Variants in ZNF385D observed in about 807,000 individuals in gnomAD.
ZNF385D encodes the protein zinc finger protein 385D.
Under a neutral mutation model 35.8 loss-of-function variants are expected in ZNF385D, and 15 were observed. That is an observed-to-expected ratio of 0.42 (90% confidence interval 0.28 to 0.64). The LOEUF is 0.64. Ranked by LOEUF, ZNF385D falls within the 30% of genes least tolerant of loss-of-function variation. The probability of loss-of-function intolerance (pLI) is 0.23; values close to 1 mark genes in which losing one functional copy is unlikely to be tolerated. For synonymous variants in ZNF385D, 212 were observed against 186.8 expected (o/e 1.13, Z -1.10); for missense variants, 474 against 494.6 (o/e 0.96, Z 0.39).
intron 1 of ZNF385D, among the ~76,000 whole-genome samples, chr3:21,713,341 AATG>A (rs2068188955): frequency 6.6e-6 from 1 of 152,300 alleles, no homozygotes; most frequent in Admixed American, 6.5e-5. Context: ...AATCTTCTTC[AATG>A]ATGTTTCTTT....
chr3:21,489,634 T>C (rs1705273021), intron 4 of ZNF385D, among the ~76,000 whole-genome samples: 1 of 152,144 alleles, frequency 6.6e-6, no homozygotes, highest in South Asian at 2.1e-4. Flanking sequence ...AGATTTTGGC[T>C]TTTGTGACAC....
chr3:22,104,818 T>A (rs1311008496), intron 3 of ZNF385D, among the ~76,000 whole-genome samples: 2 of 152,154 alleles, frequency 1.3e-5, no homozygotes, highest in African/African-American at 4.8e-5. Flanking sequence ...AAGTCCATTG[T>A]CTGAAATCAA....
At chr3:21,763,015 G>A (rs2070686938) in intron 3 of ZNF385D, among the ~76,000 whole-genome samples, 2 of 152,066 alleles carry the variant, frequency 1.3e-5, no homozygotes, top group East Asian at 1.9e-4. Flanking sequence ...TCATTGAGTA[G>A]GTACTCAACA....
intron 3 of ZNF385D, among the ~76,000 whole-genome samples, chr3:22,128,037 A>G (rs1331557217): frequency 1.3e-5 from 2 of 151,196 alleles, no homozygotes; most frequent in Admixed American, 1.3e-4. Context: ...AGATTGAAAA[A>G]CTCTCTTTAG....
intron 3 of ZNF385D, among the ~76,000 whole-genome samples, chr3:22,044,926 C>G (rs565612115): frequency 1.3e-5 from 2 of 152,078 alleles, no homozygotes; most frequent in Admixed American, 1.3e-4. Flanking sequence ...AAGTATGGTG[C>G]AGAATACGGA....
intron 3 of ZNF385D, among the ~76,000 whole-genome samples, chr3:22,030,255 T>TTATATATATATA (rs1559316329): frequency 3.2e-4 from 9 of 27,922 alleles, no homozygotes; most frequent in African/African-American, 1.2e-3. Flanking sequence ...ATAAACTCAT[T>TTATATATATATA]CATATATATA....
At chr3:21,801,572 T>C (rs1184565471) in intron 3 of ZNF385D, among the ~76,000 whole-genome samples, 1 of 152,170 alleles carries the variant, frequency 6.6e-6, no homozygotes, top group African/African-American at 2.4e-5. Flanking sequence ...ACTGTTACCT[T>C]TTTCTCTCTG....
chr3:21,886,968 G>A (rs928882357), intron 3 of ZNF385D, among the ~76,000 whole-genome samples: 7 of 152,082 alleles, frequency 4.6e-5, no homozygotes, highest in South Asian at 2.1e-4. Flanking sequence ...AACGCCACAC[G>A]TTTTCAAAGG....
chr3:22,288,595 T>C (rs1484821944), intron 2 of ZNF385D, among the ~76,000 whole-genome samples: 1 of 152,140 alleles, frequency 6.6e-6, no homozygotes, highest in African/African-American at 2.4e-5. Context: ...GTACTTTTTA[T>C]AGTTTGTCTC....
In ZNF385D at chr3:21,501,467, A is replaced by G. The variant is rs572549002; in HGVS notation, c.439+9394T>C. 2.0e-5 allele frequency among the ~76,000 whole-genome samples: 3 copies of G among 152,374 alleles called. 1 individual carries two copies. Among genetic ancestry groups the G allele is most frequent in the Admixed American group, 2.0e-4 (3 of 15,308 alleles). ...TTGTCTGAGTTTGGGTTTTGTTTTT[A>G]CAACGAACTCAGTAGAAACACTGTC... On this transcript the variant is annotated intron_variant, in intron 4 of 7. Transcript: ENST00000281523.
intron 3 of ZNF385D, among the ~76,000 whole-genome samples, chr3:21,773,026 G>A (rs1475448578): frequency 6.6e-6 from 1 of 151,846 alleles, no homozygotes; most frequent in African/African-American, 2.4e-5. Context: ...ACAGTAAGTA[G>A]AATGGTGGTT....
intron 3 of ZNF385D, among the ~76,000 whole-genome samples, chr3:21,800,222 T>C (rs1308175836): frequency 1.3e-5 from 2 of 152,222 alleles, no homozygotes; most frequent in African/African-American, 4.8e-5. Context: ...TTTGACTATT[T>C]TGAATGCCTT....
At position 21,733,322 on chromosome 3, in the gene ZNF385D, T is replaced by C. The variant is rs138172111; in HGVS notation, c.22+17573A>G. ...AAGCTCTGAAGTAGGGTAGTGTCAG[T>C]CCTTCAACTTTGTCCTCCTTCAATA... On this transcript the variant is annotated intron_variant, in intron 1 of 7. Transcript: ENST00000281523. Among the ~76,000 whole-genome samples the C allele has an allele frequency of 1.6e-3, 237 of 152,292 alleles. 7 individuals carry two copies. The highest frequency in any genetic ancestry group is 4.4e-3 in the African/African-American group (181 of 41,576).
chr3:21,482,607 G>C (rs1228367613), intron 4 of ZNF385D, among the ~76,000 whole-genome samples: 1 of 152,086 alleles, frequency 6.6e-6, no homozygotes. Flanking sequence ...TTTCAAATTA[G>C]TGATGTCCTA....
intron 3 of ZNF385D, among the ~76,000 whole-genome samples, chr3:22,046,926 C>T (rs2125518476): frequency 6.6e-6 from 1 of 152,118 alleles, no homozygotes; most frequent in South Asian, 2.1e-4. Flanking sequence ...ATATAAGATT[C>T]ATTAGATAAG....
intron 3 of ZNF385D, among the ~76,000 whole-genome samples, chr3:21,964,528 C>T (rs1346315467): frequency 1.3e-4 from 15 of 115,476 alleles, no homozygotes; most frequent in South Asian, 2.9e-4. Flanking sequence ...CTCACTCTGT[C>T]GCCCAGGCTG....
At chr3:21,687,395 ATTT>A (rs932086850) in intron 1 of ZNF385D, among the ~76,000 whole-genome samples, 1 of 152,034 alleles carries the variant, frequency 6.6e-6, no homozygotes, top group Non-Finnish European at 1.5e-5. Flanking sequence ...ATAACTCATA[ATTT>A]TTTTTATTAA....
At chr3:21,598,986 T>TG (rs1383191164) in intron 2 of ZNF385D, among the ~76,000 whole-genome samples, 3 of 152,184 alleles carry the variant, frequency 2.0e-5, no homozygotes, top group Admixed American at 6.5e-5. Context: ...CTTCCGATGT[T>TG]GCAATTATAA....
At chr3:21,665,068 C>A (rs367558175) in intron 1 of ZNF385D, 40 bp from the exon 2 acceptor site, 13 of 1,527,058 alleles carry the variant, frequency 8.5e-6, no homozygotes, top group South Asian at 2.6e-5. Context: ...AGGGACACCA[C>A]GCATGGAAAA....
Sources: allele counts gnomAD v4.1 joint callset (sites outside exome capture counted in the v4.1 genomes callset), GRCh38; gene constraint gnomAD v4.1.1; transcripts MANE v1.5; gene names NCBI Gene and HGNC (gene_info 2026-07-23, HGNC 2026-07-21).